Variants in ZNF550 observed in about 807,000 individuals in gnomAD.
ZNF550 encodes the protein zinc finger protein 550.
ZNF550 carries 42 observed loss-of-function variants against 40.2 expected under a neutral mutation model. The ratio of observed to expected loss-of-function variants is 1.05; its 90% CI spans 0.82 to 1.35. The LOEUF (loss-of-function observed/expected upper bound fraction) is 1.35, where lower values mean the gene tolerates loss of function less well. Ranked by LOEUF, ZNF550 falls within the 40% of genes most tolerant of loss-of-function variation. The pLI, the probability that ZNF550 is intolerant of heterozygous loss-of-function variation, is 0.00. For synonymous variants in ZNF550, 223 were observed against 198.6 expected, an observed-to-expected ratio of 1.12 and a Z score of -1.03; for missense variants, 549 against 525.2, an observed-to-expected ratio of 1.05 and a Z score of -0.44.
At chr19:57,547,482 G>C (rs201428842) in exon 4 of ZNF550, 18 of 1,613,714 alleles carry the variant, frequency 1.1e-5, no homozygotes, top group Non-Finnish European at 5.1e-6. Context: ...GTTTCTCCCC[G>C]GTGTGGATGA....
chr19:57,553,646 G>A (rs2090094168), intron 2 of ZNF550: 1 of 152,102 alleles, frequency 6.6e-6, no homozygotes, highest in East Asian at 1.9e-4. Flanking sequence ...TCGAGTGCCT[G>A]GCCTCAAGTG....
At chr19:57,549,777 T>C (rs1006630348) in intron 3 of ZNF550, among the ~76,000 whole-genome samples, 1 of 152,142 alleles carries the variant, frequency 6.6e-6, no homozygotes, top group African/African-American at 2.4e-5. Flanking sequence ...GAACAAATGG[T>C]ACAAAAGGCC....
chr19:57,560,798 G>C (rs1289104353), upstream of ZNF550, among the ~76,000 whole-genome samples: 2 of 152,120 alleles, frequency 1.3e-5, no homozygotes, highest in Non-Finnish European at 2.9e-5. Context: ...GGTAGGAAAT[G>C]GGTCAAATCT....
chr19:57,547,515 G>A (rs200642948), exon 4 of ZNF550: 19 of 1,613,682 alleles, frequency 1.2e-5, no homozygotes, highest in Admixed American at 1.7e-5. Flanking sequence ...TGAGAGTTGA[G>A]CTCTGGCTAA....
chr19:57,557,686 G>A (rs1209510341), intron 1 of ZNF550: 2 of 151,914 alleles, frequency 1.3e-5, no homozygotes, highest in East Asian at 3.9e-4. Flanking sequence ...GGTGTAGAGG[G>A]GCAGGCACCC....
chr19:57,552,418 G>C, intron 3 of ZNF550: 1 of 515,316 alleles, frequency 1.9e-6, no homozygotes, highest in East Asian at 3.0e-5. Flanking sequence ...AAAGATTCCT[G>C]TTCACAGCAA....
At chr19:57,560,010 C>A (rs2090157534), upstream of ZNF550, 2 of 338,298 alleles carry the variant, frequency 5.9e-6, no homozygotes, top group Non-Finnish European at 1.1e-5. Context: ...CTCAGATGAT[C>A]TTAGCGGAGC....
upstream of ZNF550, among the ~76,000 whole-genome samples, chr19:57,560,950 T>C (rs2090161856): frequency 1.3e-5 from 2 of 152,186 alleles, no homozygotes; most frequent in Admixed American, 1.3e-4. Flanking sequence ...TGTGGGTGTT[T>C]CTTTAATTAG....
chr19:57,551,904 G>A (rs2090075806), intron 3 of ZNF550, among the ~76,000 whole-genome samples: 3 of 152,362 alleles, frequency 2.0e-5, no homozygotes, highest in South Asian at 2.1e-4. Flanking sequence ...CCGAGTCTCT[G>A]ATGGTCTAAC....
intron 1 of ZNF550, among the ~76,000 whole-genome samples, chr19:57,558,177 C>G (rs2090139028): frequency 6.6e-6 from 1 of 152,152 alleles, no homozygotes; most frequent in Non-Finnish European, 1.5e-5. Context: ...TTAGCTACAG[C>G]CAGCACTGCC....
exon 4 of ZNF550, chr19:57,547,406 T>C (rs370391615): frequency 6.2e-5 from 100 of 1,609,758 alleles, no homozygotes; most frequent in Non-Finnish European, 7.9e-5. Context: ...CCAGTGTGGA[T>C]TGGATGGTGC....
intron 4 of ZNF550, chr19:57,543,690 C>T: frequency 2.1e-6 from 2 of 940,336 alleles, no homozygotes; most frequent in Non-Finnish European, 2.5e-6. Context: ...AATCGCAGCA[C>T]TTTGGGAGGC....
At chr19:57,559,161 G>A (rs1305623552) in intron 1 of ZNF550, among the ~76,000 whole-genome samples, 1 of 152,206 alleles carries the variant, frequency 6.6e-6, no homozygotes, top group East Asian at 1.9e-4. Context: ...GGCCCAGGGA[G>A]CAGCTCCGGA....
At chr19:57,552,943 A>C in intron 2 of ZNF550, 1 of 498,440 alleles carries the variant, frequency 2.0e-6, no homozygotes, top group South Asian at 3.5e-5. Flanking sequence ...ACGTGACTGT[A>C]TATGGAGACA....
chr19:57,553,995 G>C, intron 2 of ZNF550: 1 of 152,446 alleles, frequency 6.6e-6, no homozygotes, highest in Non-Finnish European at 1.5e-5. Flanking sequence ...GGCCAACATG[G>C]TGAAACCCCG....
intron 2 of ZNF550, 55 bp from the exon 3 acceptor site, chr19:57,552,777 T>A: frequency 7.4e-7 from 1 of 1,347,788 alleles, no homozygotes; most frequent in Non-Finnish European, 1.0e-6. Flanking sequence ...AATGAAAGTC[T>A]CTCCATCTTG....
exon 4 of ZNF550, chr19:57,546,954 C>T (rs534205692): frequency 3.2e-6 from 5 of 1,586,264 alleles, no homozygotes; most frequent in South Asian, 1.1e-5. Context: ...TTGCTGTATT[C>T]ATTGCAGCAA....
Position 57,547,682 on chromosome 19 carries a change from G to A in ZNF550, c.562C>T (p.Gln188Ter), listed in dbSNP as rs750228294. The A allele has an allele frequency of 1.2e-5, 19 of 1,614,088 alleles. No individual in the cohort carries two copies. Among genetic ancestry groups the A allele is most frequent in the African/African-American group, 8.0e-5 (6 of 74,920 alleles). Residue 188 changes from glutamine (Q) to a stop codon, truncating the protein, a stop_gained, in exon 4 of 5, where the codon CAG becomes TAG. Transcript: ENST00000457177. LOFTEE classifies it high-confidence loss of function. ...ATCAAGGCGTCTTTCCCTGGTTGCT[G>A]TGAGTCACATTCATGGAGAACATCT...
At chr19:57,544,232 C>A in intron 4 of ZNF550, 1 of 985,440 alleles carries the variant, frequency 1.0e-6, no homozygotes. Flanking sequence ...TCATGAGATT[C>A]TTGCCTATCA....
Sources: allele counts gnomAD v4.1 joint callset (sites outside exome capture counted in the v4.1 genomes callset), GRCh38; gene constraint gnomAD v4.1.1; transcripts MANE v1.5; gene names NCBI Gene and HGNC (gene_info 2026-07-23, HGNC 2026-07-21).